The following STARD13 variants were observed in gnomAD, a reference collection of about 807,000 sequenced individuals.
STARD13 encodes StAR related lipid transfer domain containing 13.
In STARD13, 62 loss-of-function variants were observed where a neutral mutation model predicts 106.4. The ratio of observed to expected loss-of-function variants is 0.58; its 90% confidence interval spans 0.48 to 0.72. The LOEUF is 0.72. STARD13 is among the 30% of genes least tolerant of loss of function. The pLI is 0.00. For synonymous variants in STARD13, 565 were observed against 553.0 expected, an observed-to-expected ratio of 1.02 and a Z score of -0.31; for missense variants, 1,387 against 1,424.0, an observed-to-expected ratio of 0.97 and a Z score of 0.42.
At chr13:33,447,909 A>G in the STARD13 span, among the ~76,000 whole-genome samples, 1 of 152,246 alleles carries the variant, frequency 6.6e-6, no homozygotes, top group African/African-American at 2.4e-5. Context: ...ATTTATTACA[A>G]TACAGAATTA....
At chr13:33,452,182 C>A in the STARD13 span, among the ~76,000 whole-genome samples, 43 of 152,160 alleles carry the variant, frequency 2.8e-4, no homozygotes, top group African/African-American at 9.2e-4. Context: ...GACCCAGGGG[C>A]ACGAGGTCTG....
intron 1 of STARD13, among the ~76,000 whole-genome samples, chr13:33,225,346 T>G (rs962165613): frequency 2.6e-5 from 4 of 152,232 alleles, no homozygotes; most frequent in African/African-American, 9.6e-5. Flanking sequence ...TCTCCTCTAT[T>G]GCTATCAACA....
At chr13:33,664,018 A>C in the STARD13 span, among the ~76,000 whole-genome samples, 1 of 152,176 alleles carries the variant, frequency 6.6e-6, no homozygotes, top group Non-Finnish European at 1.5e-5. Flanking sequence ...CTCTGCAGGC[A>C]GGGAGGAACG....
At chr13:33,372,119 A>AT in the STARD13 span, among the ~76,000 whole-genome samples, 1 of 152,356 alleles carries the variant, frequency 6.6e-6, no homozygotes, top group Admixed American at 6.5e-5. Context: ...GCCAGAAAAA[A>AT]GTTTAAAGTA....
At chr13:33,668,387 T>A in the STARD13 span, among the ~76,000 whole-genome samples, 1 of 152,244 alleles carries the variant, frequency 6.6e-6, no homozygotes, top group African/African-American at 2.4e-5. Context: ...TTAGTTTCAC[T>A]TCACCAGCAA....
intron 1 of STARD13, among the ~76,000 whole-genome samples, chr13:33,247,084 C>T (rs965070160): frequency 4.6e-5 from 7 of 152,034 alleles, no homozygotes; most frequent in Non-Finnish European, 1.0e-4. Context: ...GTAGTCCTAG[C>T]TACTTGGGAG....
At chr13:33,433,278 A>G in the STARD13 span, among the ~76,000 whole-genome samples, 1 of 152,178 alleles carries the variant, frequency 6.6e-6, no homozygotes, top group Admixed American at 6.5e-5. Context: ...AATGTCTCTC[A>G]TCCTCTAGAA....
At chr13:33,559,602 T>C in the STARD13 span, among the ~76,000 whole-genome samples, 1 of 151,520 alleles carries the variant, frequency 6.6e-6, no homozygotes, top group South Asian at 2.1e-4. Context: ...ACACCTGTAC[T>C]CCTAGCATTT....
the STARD13 span, among the ~76,000 whole-genome samples, chr13:33,538,963 G>T: frequency 6.6e-6 from 1 of 152,048 alleles, no homozygotes; most frequent in African/African-American, 2.4e-5. Context: ...TAGAGACGGG[G>T]TTTCACCGTG....
At chr13:33,623,910 C>A in the STARD13 span, among the ~76,000 whole-genome samples, 2 of 152,112 alleles carry the variant, frequency 1.3e-5, no homozygotes, top group African/African-American at 4.8e-5. Context: ...ACCAAGATAG[C>A]CTTTTACATG....
At chr13:33,587,359 C>A in the STARD13 span, among the ~76,000 whole-genome samples, 1 of 152,096 alleles carries the variant, frequency 6.6e-6, no homozygotes, top group African/African-American at 2.4e-5. Flanking sequence ...CATTAAGGAG[C>A]TTCCTTTACT....
the STARD13 span, among the ~76,000 whole-genome samples, chr13:33,447,937 G>A: frequency 6.6e-6 from 1 of 152,104 alleles, no homozygotes; most frequent in African/African-American, 2.4e-5. Context: ...GAGATAATAA[G>A]CACAATTAAT....
the STARD13 span, among the ~76,000 whole-genome samples, chr13:33,492,222 G>T: frequency 6.6e-6 from 1 of 152,182 alleles, no homozygotes; most frequent in African/African-American, 2.4e-5. Flanking sequence ...GGTCACAGGG[G>T]ATATGATGGC....
Position 33,129,959 on chromosome 13 carries a change from G to A in STARD13, c.718C>T (p.Leu240Phe). The A allele has an allele frequency of 1.2e-6, 2 of 1,613,452 alleles. No individual in the cohort carries two copies. The highest frequency in any genetic ancestry group is 1.1e-5 in the South Asian group (1 of 91,052). ...SSLPQPPRDV[L>F]NHPFHPKNEK... ...TTCTTGGGGTGGAAGGGGTGGTTGA[G>A]GACATCTCTGGGGGGCTGTGGGAGG... is the stretch of plus-strand genomic sequence containing the variant. Residue 240 changes from leucine (L) to phenylalanine (F), a missense_variant, in exon 5 of 14, where the codon CTC becomes TTC. Leu to Phe is a conservative substitution (Grantham distance 22). Coordinates refer to ENST00000336934, the MANE Select transcript of STARD13 (RefSeq NM_178006.4).
chr13:33,222,279 A>G (rs1594127268), intron 1 of STARD13, among the ~76,000 whole-genome samples: 1 of 152,210 alleles, frequency 6.6e-6, no homozygotes, highest in African/African-American at 2.4e-5. Context: ...TCATTGAAAC[A>G]AAGTCAGATG....
At chr13:33,252,069 T>C (rs910715022) in intron 1 of STARD13, among the ~76,000 whole-genome samples, 1 of 152,198 alleles carries the variant, frequency 6.6e-6, no homozygotes, top group Admixed American at 6.5e-5. Context: ...CATTACTACA[T>C]TAAATATTTC....
chr13:33,439,399 A>C, the STARD13 span, among the ~76,000 whole-genome samples: 4 of 152,372 alleles, frequency 2.6e-5, no homozygotes, highest in African/African-American at 9.6e-5. Context: ...TACAAGGTAC[A>C]TTTCAAGATA....
At chr13:33,581,540 G>T in the STARD13 span, among the ~76,000 whole-genome samples, 1 of 152,074 alleles carries the variant, frequency 6.6e-6, no homozygotes, top group Admixed American at 6.5e-5. Context: ...TAAAACTGGT[G>T]TTTCAATTTG....
the STARD13 span, among the ~76,000 whole-genome samples, chr13:33,458,781 T>C: frequency 6.6e-6 from 1 of 151,788 alleles, no homozygotes; most frequent in Non-Finnish European, 1.5e-5. Context: ...CTCTGGGCGC[T>C]TCTGAGTGAG....
Sources: gnomAD v4.1 joint callset for allele counts (sites outside exome capture counted in the v4.1 genomes callset) on GRCh38, gnomAD v4.1.1 for gene constraint, MANE v1.5 for transcripts, NCBI Gene and HGNC (gene_info 2026-07-23, HGNC 2026-07-21) for gene names.